RPAP2: variants seen among roughly 807,000 people sequenced by gnomAD.
The protein encoded by RPAP2 is putative RNA polymerase II subunit B1 CTD phosphatase RPAP2.
Under a neutral mutation model 73.1 loss-of-function variants are expected in RPAP2, and 52 were observed. The observed-to-expected ratio is 0.71, with a 90% CI of 0.57 to 0.90. The LOEUF is 0.90. Among genes scored for constraint, RPAP2 ranks in the 40% least tolerant of loss-of-function variants. The pLI is 0.00. For missense variants in RPAP2, 598 were observed against 701.8 expected, an observed-to-expected ratio of 0.85 and a Z score of 1.67; for synonymous variants, 225 against 242.1, an observed-to-expected ratio of 0.93 and a Z score of 0.65.
In RPAP2 at chr1:92,401,999, TC is replaced by T. The variant is rs1370102866; in HGVS notation, c.*14989del. 2 of 152,208 alleles carry T rather than the reference TC, an allele frequency of 1.3e-5. No homozygotes were observed. Among genetic ancestry groups the T allele is most frequent in the African/African-American group, 4.8e-5 (2 of 41,450 alleles). 9.4% of individuals were successfully genotyped at this position (152,208 alleles called of 1,614,324 possible). On this transcript the variant is annotated 3_prime_UTR_variant, in exon 13 of 13. Coordinates refer to ENST00000610020, the MANE Select transcript of RPAP2 (RefSeq NM_024813.3). ...TTGGTTTGTAATTTTTCTTGTAACA[TC>T]TTTGTCTGGTTTTGAAATCAAAGTA... is the stretch of plus-strand genomic sequence containing the variant.
In RPAP2 at chr1:92,394,869, G is replaced by A. The variant is rs1314857588; in HGVS notation, c.*7858G>A. ...ATGAAAACATAAAGGATTCAGAATAGCCAAAATAATTCTGAAAATGAAGAA... is the reference window on the plus strand; with the variant it reads ...ATGAAAACATAAAGGATTCAGAATAACCAAAATAATTCTGAAAATGAAGAA... On this transcript the variant is annotated 3_prime_UTR_variant, in exon 13 of 13. Transcript: ENST00000610020. 6.6e-6 allele frequency: 1 copy of A among 152,088 alleles called. No homozygotes were observed. Among genetic ancestry groups the A allele is most frequent in the Non-Finnish European group, 1.5e-5 (1 of 68,018 alleles). The allele number at this position is 152,088 out of a possible 1,614,324, so 9.4% of individuals were successfully genotyped here.
At chr1:92,374,692 A>G (rs1345545978) in intron 11 of RPAP2, among the ~76,000 whole-genome samples, 1 of 152,246 alleles carries the variant, frequency 6.6e-6, no homozygotes, top group African/African-American at 2.4e-5. Context: ...TGATTCATCT[A>G]TGCAAGGAGA....
rs763845629 is a variant in RPAP2, at chr1:92,323,556, C to T, written c.636C>T (p.His212=). ...KQYESSSSST[H]SDSSSDNEQD... ...ATGAATCTAGTTCTTCTAGCACTCACAGTGATAGTAGCAGTGACAATGAGC... is the reference window on the plus strand; with the variant it reads ...ATGAATCTAGTTCTTCTAGCACTCATAGTGATAGTAGCAGTGACAATGAGC... The change falls in exon 8 of 13, where the codon CAC becomes CAT. Residue 212 remains histidine, a synonymous_variant. Transcript: ENST00000610020. 30 of 1,612,938 alleles carry T rather than the reference C, an allele frequency of 1.9e-5. No homozygotes were observed. Among genetic ancestry groups the T allele is most frequent in the African/African-American group, 2.7e-5 (2 of 74,890 alleles).
chr1:92,352,947 A>G (rs187297278), intron 11 of RPAP2, among the ~76,000 whole-genome samples: 2 of 152,216 alleles, frequency 1.3e-5, no homozygotes, highest in Admixed American at 1.3e-4. Context: ...AAATGGAATC[A>G]TATGTGACCT....
rs1176122724 is a variant in RPAP2 at position 92,323,595 on chromosome 1, C to T, written c.675C>T (p.Ser225=). 1.9e-6 allele frequency: 3 copies of T among 1,614,016 alleles called. No individual in the cohort carries two copies. Among genetic ancestry groups the T allele is most frequent in the Admixed American group, 1.7e-5 (1 of 59,996 alleles). The change falls in exon 8 of 13, where the codon TCC becomes TCT. Residue 225 remains serine, a synonymous_variant. Transcript: ENST00000610020. The part of the protein sequence containing the change: ...SSSDNEQDFV[S]SILPGNRPNS... ...GTGACAATGAGCAAGACTTTGTTTC[C>T]TCCATTCTACCAGGAAACAGACCAA...
At position 92,361,723 on chromosome 1, in the gene RPAP2, T is replaced by C. The variant is rs149109692; in HGVS notation, c.1688+15809T>C. 1.4e-4 allele frequency among the ~76,000 whole-genome samples: 22 copies of C among 152,308 alleles called. 1 individual carries two copies. In the East Asian group the frequency reaches 4.0e-3, roughly 28 times the overall value. ...AAAATTAACAAAAAACAAAGTTAGA[T>C]GTAAATGTGAGATTATCTTTTAATT... On this transcript the variant is annotated intron_variant, in intron 11 of 12. Transcript: ENST00000610020.
chr1:92,346,017 A>C, intron 11 of RPAP2, 103 bp downstream of exon 11: 1 of 749,394 alleles, frequency 1.3e-6, no homozygotes, highest in Non-Finnish European at 2.2e-6. Flanking sequence ...CTTGGAAAAT[A>C]TCATACCTCT....
intron 11 of RPAP2, among the ~76,000 whole-genome samples, chr1:92,348,837 A>T (rs1052630232): frequency 6.6e-6 from 1 of 152,210 alleles, no homozygotes; most frequent in Admixed American, 6.5e-5. Context: ...TCTCCCCCTT[A>T]CAGTTTTCAC....
intron 8 of RPAP2, among the ~76,000 whole-genome samples, chr1:92,332,635 A>T (rs1402216805): frequency 6.6e-6 from 1 of 152,134 alleles, no homozygotes. Flanking sequence ...GATGATTTCA[A>T]GGTGGGATTC....
intron 6 of RPAP2, among the ~76,000 whole-genome samples, chr1:92,313,388 G>C (rs1212777891): frequency 6.6e-6 from 1 of 151,976 alleles, no homozygotes; most frequent in African/African-American, 2.4e-5. Context: ...ATTTGCATCA[G>C]AGTTCTTGGG....
intron 10 of RPAP2, among the ~76,000 whole-genome samples, chr1:92,342,739 G>A (rs1653667553): frequency 6.6e-6 from 1 of 152,120 alleles, no homozygotes. Flanking sequence ...CATTAGATTT[G>A]GTGACTGGCT....
intron 10 of RPAP2, among the ~76,000 whole-genome samples, chr1:92,339,353 T>C (rs1161208631): frequency 8.2e-6 from 1 of 122,334 alleles, no homozygotes; most frequent in Non-Finnish European, 1.6e-5. Flanking sequence ...CCCCAAGGAT[T>C]CTGATTTAAT....
chr1:92,307,250 T>G lies in RPAP2; in HGVS notation c.462T>G (p.Thr154=), dbSNP rs1448475084. 2 of 1,612,012 alleles carry G rather than the reference T, an allele frequency of 1.2e-6. No homozygotes were observed. The highest frequency in any genetic ancestry group is 1.1e-5 in the South Asian group (1 of 90,664). Reference sequence around the variant, plus strand: ...TTTTTGAAGCACAAATTCCCAAAACTCCAGTATGGGTTCGAGAAGAAGAGA... The same window carrying G: ...TTTTTGAAGCACAAATTCCCAAAACGCCAGTATGGGTTCGAGAAGAAGAGA... ...SKFFEAQIPK[T]PVWVREEERH... The change falls in exon 6 of 13, where the codon ACT becomes ACG. Residue 154 remains threonine, a synonymous_variant. Coordinates refer to ENST00000610020, the MANE Select transcript of RPAP2 (RefSeq NM_024813.3).
intron 9 of RPAP2, among the ~76,000 whole-genome samples, chr1:92,335,626 A>T (rs981142940): frequency 1.3e-5 from 2 of 152,204 alleles, no homozygotes; most frequent in African/African-American, 4.8e-5. Context: ...GGTATTATAT[A>T]ATACATGTTT....
At chr1:92,374,781 T>C (rs1445880405) in intron 11 of RPAP2, among the ~76,000 whole-genome samples, 1 of 152,118 alleles carries the variant, frequency 6.6e-6, no homozygotes, top group Non-Finnish European at 1.5e-5. Context: ...AGCATGCAGG[T>C]AGTTAATTGC....
chr1:92,325,807 T>G (rs1652592220), intron 8 of RPAP2, among the ~76,000 whole-genome samples: 2 of 152,140 alleles, frequency 1.3e-5, no homozygotes, highest in African/African-American at 4.8e-5. Context: ...CCAGTATATA[T>G]TCTTGGTGTC....
rs1655896207 is a variant in RPAP2, at chr1:92,387,087, G to T, written c.*76G>T. On this transcript the variant is annotated 3_prime_UTR_variant, in exon 13 of 13. Coordinates refer to ENST00000610020, the MANE Select transcript of RPAP2 (RefSeq NM_024813.3). ...GAATTCTAGCCGCCATGATGGTCTG[G>T]TGGTGACTGATAACTAGTTTTATTC... 2.1e-6 allele frequency: 3 copies of T among 1,420,070 alleles called. No homozygotes were observed. The highest frequency in any genetic ancestry group is 1.9e-6 in the Non-Finnish European group (2 of 1,035,074). 88.0% of individuals were successfully genotyped at this position (1,420,070 alleles called of 1,614,324 possible).
chr1:92,301,406 T>C, intron 2 of RPAP2, 70 bp from the exon 3 acceptor site: 1 of 748,096 alleles, frequency 1.3e-6, no homozygotes, highest in Admixed American at 2.9e-5. Flanking sequence ...TAGGTTAGTA[T>C]TGTATTTTAA....
intron 11 of RPAP2, among the ~76,000 whole-genome samples, chr1:92,346,310 C>T (rs56950188): frequency 0.011 from 1,612 of 152,092 alleles, 31 homozygotes; most frequent in African/African-American, 0.037. Flanking sequence ...ACTATAGTCA[C>T]ACACCACCAT....
Sources: gnomAD v4.1 joint callset for allele counts (sites outside exome capture counted in the v4.1 genomes callset) on GRCh38, gnomAD v4.1.1 for gene constraint, MANE v1.5 for transcripts, NCBI Gene and HGNC (gene_info 2026-07-23, HGNC 2026-07-21) for gene names.